The following ABLIM1 variants were observed in gnomAD, a reference collection of about 807,000 sequenced individuals.
ABLIM1 encodes the protein actin-binding LIM protein 1.
ABLIM1 carries 40 observed loss-of-function variants against 107.0 expected under a neutral mutation model. The observed-to-expected ratio is 0.37, with a 90% CI of 0.29 to 0.49. The LOEUF is 0.49. ABLIM1 is among the 20% of genes least tolerant of loss of function. The pLI, the probability that ABLIM1 is intolerant of heterozygous loss-of-function variation, is 0.97. For synonymous variants in ABLIM1, 357 were observed against 357.3 expected (o/e 1.00, Z 0.01); for missense variants, 857 against 1,008.5 (o/e 0.85, Z 2.04).
chr10:114,770,244 G>C (rs1399978560), upstream of ABLIM1, among the ~76,000 whole-genome samples: 1 of 152,028 alleles, frequency 6.6e-6, no homozygotes. Flanking sequence ...AAATTTTATT[G>C]AACACATATT....
chr10:114,547,591 A>G, intron 5 of ABLIM1, 59 bp downstream of exon 5: 2 of 1,603,078 alleles, frequency 1.2e-6, no homozygotes, highest in East Asian at 2.2e-5. Context: ...CAGGACCTGC[A>G]GAAGAACCAC....
chr10:114,700,506 A>G (rs1349211075), intron 1 of ABLIM1, among the ~76,000 whole-genome samples: 1 of 152,062 alleles, frequency 6.6e-6, no homozygotes, highest in Non-Finnish European at 1.5e-5. Flanking sequence ...ACACACACAC[A>G]CACACACACA....
intron 2 of ABLIM1, among the ~76,000 whole-genome samples, chr10:114,600,508 C>T (rs1287360162): frequency 6.6e-6 from 1 of 152,160 alleles, no homozygotes; most frequent in Non-Finnish European, 1.5e-5. Context: ...AAAGCACTCC[C>T]TCCTCCTTTA....
At chr10:114,708,930 A>T (rs1179653746) in intron 1 of ABLIM1, among the ~76,000 whole-genome samples, 3 of 151,852 alleles carry the variant, frequency 2.0e-5, no homozygotes, top group Non-Finnish European at 4.4e-5. Context: ...TTCCATTTTG[A>T]CCTCCCCTCT....
At chr10:114,575,025 C>T (rs547961478) in intron 3 of ABLIM1, among the ~76,000 whole-genome samples, 1 of 152,226 alleles carries the variant, frequency 6.6e-6, no homozygotes, top group African/African-American at 2.4e-5. Context: ...ACACAGTTTG[C>T]CACCGCCTAT....
At chr10:114,678,417 C>A (rs1050810719) in intron 1 of ABLIM1, among the ~76,000 whole-genome samples, 3 of 152,176 alleles carry the variant, frequency 2.0e-5, no homozygotes, top group Admixed American at 6.5e-5. Flanking sequence ...TTTGAAACCA[C>A]GGATTCTTTT....
chr10:114,564,085 C>T (rs539072687), intron 4 of ABLIM1, among the ~76,000 whole-genome samples: 1 of 151,474 alleles, frequency 6.6e-6, no homozygotes, highest in African/African-American at 2.4e-5. Flanking sequence ...CTACCTTAGT[C>T]TTTCTAGAAC....
At chr10:114,567,028 G>A (rs1194947368) in intron 4 of ABLIM1, among the ~76,000 whole-genome samples, 2 of 152,210 alleles carry the variant, frequency 1.3e-5, no homozygotes, top group Non-Finnish European at 2.9e-5. Flanking sequence ...CAGCCTGGGC[G>A]ACAGAGCGAG....
chr10:114,694,900 C>T (rs1442515339), intron 1 of ABLIM1, among the ~76,000 whole-genome samples: 5 of 152,180 alleles, frequency 3.3e-5, no homozygotes, highest in East Asian at 1.9e-4. Context: ...AAAACCCGGA[C>T]ATTGAGCCGC....
At chr10:114,698,763 G>A (rs777543262) in intron 1 of ABLIM1, among the ~76,000 whole-genome samples, 2 of 152,124 alleles carry the variant, frequency 1.3e-5, no homozygotes, top group Non-Finnish European at 2.9e-5. Flanking sequence ...TTCAGCATGT[G>A]GAGAAAATAA....
At chr10:114,729,617 C>G (rs1349157883) in intron 1 of ABLIM1, among the ~76,000 whole-genome samples, 1 of 152,072 alleles carries the variant, frequency 6.6e-6, no homozygotes, top group African/African-American at 2.4e-5. Flanking sequence ...AATCTGGACA[C>G]AAATCCAAGG....
At chr10:114,628,708 T>G (rs1236406515) in intron 1 of ABLIM1, among the ~76,000 whole-genome samples, 2 of 152,268 alleles carry the variant, frequency 1.3e-5, no homozygotes, top group East Asian at 3.8e-4. Context: ...CTTAGTCTTT[T>G]CACATGGTTC....
At chr10:114,731,092 T>G (rs1359620919) in intron 1 of ABLIM1, among the ~76,000 whole-genome samples, 1 of 152,204 alleles carries the variant, frequency 6.6e-6, no homozygotes, top group African/African-American at 2.4e-5. Context: ...TTTGCAATTT[T>G]GGCTATTATG....
chr10:114,690,762 A>T (rs11196879), intron 1 of ABLIM1: 100,883 of 276,862 alleles, frequency 0.36, 20,403 homozygotes, highest in South Asian at 0.45. Flanking sequence ...GCTCCCTGCA[A>T]CCTCTGCCTC....
intron 1 of ABLIM1, among the ~76,000 whole-genome samples, chr10:114,653,834 A>C (rs745753163): frequency 2.3e-4 from 35 of 152,096 alleles, no homozygotes; most frequent in Non-Finnish European, 4.7e-4. Flanking sequence ...CACTTTTCCC[A>C]TCTTCTTGCT....
intron 17 of ABLIM1, 28 bp downstream of exon 17, chr10:114,444,001 C>A: frequency 1.3e-6 from 2 of 1,576,796 alleles, no homozygotes; most frequent in Non-Finnish European, 8.6e-7. Context: ...GCTCTCGAAT[C>A]AGGGAAGGTT....
chr10:114,623,018 A>C (rs555641411), intron 1 of ABLIM1, among the ~76,000 whole-genome samples: 1 of 152,086 alleles, frequency 6.6e-6, no homozygotes, highest in Non-Finnish European at 1.5e-5. Flanking sequence ...GCTGGAGTGC[A>C]TGGCGATCTC....
chr10:114,555,993 G>C (rs2068679519), intron 4 of ABLIM1, among the ~76,000 whole-genome samples: 2 of 152,080 alleles, frequency 1.3e-5, no homozygotes, highest in South Asian at 4.1e-4. Context: ...ATAAGACTTT[G>C]GAGACCTTAT....
At chr10:114,439,881 A>G in intron 20 of ABLIM1, 2 of 808,212 alleles carry the variant, frequency 2.5e-6, no homozygotes, top group South Asian at 1.8e-5. Context: ...TGGTTCATGC[A>G]GTGTCCCCAA....
Sources: allele counts gnomAD v4.1 joint callset (sites outside exome capture counted in the v4.1 genomes callset), GRCh38; gene constraint gnomAD v4.1.1; transcripts MANE v1.5; gene names NCBI Gene and HGNC (gene_info 2026-07-23, HGNC 2026-07-21).